CDK8: variants seen among roughly 807,000 people sequenced by gnomAD.
The protein encoded by CDK8 is cyclin dependent kinase 8.
Under a neutral mutation model 71.5 loss-of-function variants are expected in CDK8, and 29 were observed. That is an observed-to-expected ratio of 0.41 (90% CI 0.30 to 0.55). CDK8 has a LOEUF of 0.55. Ranked by LOEUF, CDK8 falls within the 20% of genes least tolerant of loss-of-function variation. CDK8 has a pLI of 0.37. For synonymous variants in CDK8, 161 were observed against 192.1 expected (o/e 0.84, Z 1.34); for missense variants, 288 against 572.6 (o/e 0.50, Z 5.07).
chr13:26,311,054 T>C (rs888922095), intron 1 of CDK8, among the ~76,000 whole-genome samples: 24 of 151,848 alleles, frequency 1.6e-4, no homozygotes, highest in African/African-American at 5.8e-4. Flanking sequence ...TTTTTTTTTT[T>C]TTTTTGCCTT....
At chr13:26,362,687 G>T (rs1283685465) in intron 4 of CDK8, among the ~76,000 whole-genome samples, 1 of 152,110 alleles carries the variant, frequency 6.6e-6, no homozygotes, top group Admixed American at 6.5e-5. Flanking sequence ...TCAAATGCCA[G>T]TCTCTTCTGG....
intron 9 of CDK8, among the ~76,000 whole-genome samples, chr13:26,399,443 A>G (rs1876154151): frequency 2.0e-5 from 3 of 152,154 alleles, no homozygotes; most frequent in African/African-American, 7.2e-5. Context: ...CCAATCAGAA[A>G]CTCTGTGAGG....
At chr13:26,309,042 A>C (rs1237450275) in intron 1 of CDK8, among the ~76,000 whole-genome samples, 1 of 152,204 alleles carries the variant, frequency 6.6e-6, no homozygotes, top group Non-Finnish European at 1.5e-5. Context: ...TAAATGAATC[A>C]GCATTTTCCT....
intron 1 of CDK8, among the ~76,000 whole-genome samples, chr13:26,332,322 T>C (rs1186317227): frequency 1.3e-5 from 2 of 151,806 alleles, no homozygotes; most frequent in Non-Finnish European, 2.9e-5. Flanking sequence ...CTATCTCTAC[T>C]AAAAATACAA....
At chr13:26,287,307 C>T (rs756838813) in intron 1 of CDK8, among the ~76,000 whole-genome samples, 6 of 152,266 alleles carry the variant, frequency 3.9e-5, no homozygotes, top group Non-Finnish European at 5.9e-5. Context: ...ACAGCTCTGT[C>T]GCCCAGGCTG....
In CDK8 at chr13:26,337,666, C is replaced by T. The variant is rs772908727; in HGVS notation, c.204+24C>T. The T allele has an allele frequency of 1.3e-5, 15 of 1,190,384 alleles. No homozygotes were observed. In the South Asian group the frequency reaches 1.4e-4, roughly 11 times the overall value. 73.7% of individuals were successfully genotyped at this position (1,190,384 alleles called of 1,614,324 possible). A position where few individuals can be genotyped will look rare whatever the true frequency, so the allele number is the denominator to read the frequency against. Reference sequence around the variant, plus strand: ...CAGTAAGTGAAGTTCTTTTTATCATCGTTATTATCAACTGACTTATGAGTA... The same window carrying T: ...CAGTAAGTGAAGTTCTTTTTATCATTGTTATTATCAACTGACTTATGAGTA... On this transcript the variant is annotated intron_variant, in intron 2 of 12. Transcript: ENST00000381527.
chr13:26,258,800 A>G (rs566974942), intron 1 of CDK8, among the ~76,000 whole-genome samples: 1 of 152,308 alleles, frequency 6.6e-6, no homozygotes, highest in African/African-American at 2.4e-5. Flanking sequence ...ACTTTAGATG[A>G]TGGTGCATTT....
chr13:26,291,842 C>T (rs1873320604), intron 1 of CDK8, among the ~76,000 whole-genome samples: 1 of 152,150 alleles, frequency 6.6e-6, no homozygotes, highest in Non-Finnish European at 1.5e-5. Flanking sequence ...ATTCCCATTA[C>T]CTCTCTCTTG....
chr13:26,350,508 T>G (rs1406271061), intron 3 of CDK8, among the ~76,000 whole-genome samples: 1 of 152,256 alleles, frequency 6.6e-6, no homozygotes, highest in South Asian at 2.1e-4. Context: ...CAGTGGCACA[T>G]GCTGTGGTCC....
intron 4 of CDK8, among the ~76,000 whole-genome samples, chr13:26,359,369 T>G (rs1874033847): frequency 1.3e-5 from 2 of 152,240 alleles, no homozygotes; most frequent in Admixed American, 1.3e-4. Context: ...ACGTGTATTT[T>G]ACCACAATAA....
chr13:26,301,612 T>C (rs1873827072), intron 1 of CDK8, among the ~76,000 whole-genome samples: 1 of 152,186 alleles, frequency 6.6e-6, no homozygotes, highest in Admixed American at 6.5e-5. Flanking sequence ...AAGTTGACGT[T>C]AGAGCATTAG....
At chr13:26,341,273 C>G (rs4769496) in intron 2 of CDK8, among the ~76,000 whole-genome samples, 62,160 of 152,010 alleles carry the variant, frequency 0.41, 14,433 homozygotes, top group Non-Finnish European at 0.52. Context: ...ATTACAGGTG[C>G]GCGCCACCAC....
intron 4 of CDK8, among the ~76,000 whole-genome samples, chr13:26,356,722 T>C (rs1873913920): frequency 1.3e-5 from 2 of 152,232 alleles, no homozygotes; most frequent in Admixed American, 6.5e-5. Flanking sequence ...TAATATGATA[T>C]TAACTCTCAA....
chr13:26,313,585 A>G (rs1482257560), intron 1 of CDK8, among the ~76,000 whole-genome samples: 4 of 152,180 alleles, frequency 2.6e-5, no homozygotes, highest in African/African-American at 9.7e-5. Context: ...ATTTCAGGGA[A>G]TTTGGTATGT....
At chr13:26,360,212 TTAGGAGGCCAAAG>T (rs1434433246) in intron 4 of CDK8, among the ~76,000 whole-genome samples, 1 of 152,118 alleles carries the variant, frequency 6.6e-6, no homozygotes, top group Non-Finnish European at 1.5e-5. Context: ...TCCCAGCACT[TTAGGAGGCCAAAG>T]TAGGAGGATT....
intron 4 of CDK8, among the ~76,000 whole-genome samples, chr13:26,374,814 T>C (rs779693685): frequency 6.6e-6 from 1 of 152,152 alleles, no homozygotes; most frequent in African/African-American, 2.4e-5. Context: ...TTTATTATAC[T>C]TGATGGTGTT....
intron 1 of CDK8, among the ~76,000 whole-genome samples, chr13:26,296,538 G>A (rs1315093208): frequency 6.6e-6 from 1 of 152,166 alleles, no homozygotes; most frequent in Non-Finnish European, 1.5e-5. Context: ...GGGCCAAAAT[G>A]GGCTCTGGGT....
At chr13:26,323,587 CG>C (rs1310679804) in intron 1 of CDK8, among the ~76,000 whole-genome samples, 2 of 152,096 alleles carry the variant, frequency 1.3e-5, no homozygotes, top group Admixed American at 1.3e-4. Flanking sequence ...ATTAGGCCCT[CG>C]TTCTCATTTG....
rs750489290 is a variant in CDK8 at position 26,401,532 on chromosome 13, A to G, written c.1177A>G (p.Ser393Gly). 2 of 1,614,218 alleles carry G rather than the reference A, an allele frequency of 1.2e-6. No homozygotes were observed. The highest frequency in any genetic ancestry group is 2.2e-5 in the South Asian group (2 of 91,082). The change falls in exon 12 of 13, where the codon AGC becomes GGC. Residue 393 changes from serine to glycine, a missense_variant. Around this residue, in one of 6 missense-constraint regions of CDK8, gnomAD observed 76 missense variants for 99.7 expected, o/e 0.76. Coordinates refer to ENST00000381527, the MANE Select transcript of CDK8 (RefSeq NM_001260.3). This position sits in a 1 kb window ranked among gnomAD's most constrained non-coding sequence, Gnocchi z 4.5. ...NGTGHPGNQDSSHTQGPPLKK... is the reference protein window; with the variant it reads ...NGTGHPGNQDGSHTQGPPLKK... The stretch of plus-strand genomic sequence containing the variant: ...AACTGGCCACCCAGGGAATCAAGAC[A>G]GCAGTCACACACAGGGACCCCCGTT...
Sources: allele counts gnomAD v4.1 joint callset (sites outside exome capture counted in the v4.1 genomes callset), GRCh38; gene constraint gnomAD v4.1.1; regional missense constraint gnomAD v4.1.1; non-coding constraint Gnocchi (gnomAD v3.1); transcripts MANE v1.5; gene names NCBI Gene and HGNC (gene_info 2026-07-23, HGNC 2026-07-21).